The following C2CD3 variants were observed in gnomAD, a reference collection of about 807,000 sequenced individuals.
C2CD3 encodes C2 domain containing 3 centriole elongation regulator.
In C2CD3, 148 loss-of-function variants were observed where a neutral mutation model predicts 234.0. That is an observed-to-expected ratio of 0.63 (90% CI 0.55 to 0.72). C2CD3 has a LOEUF of 0.72. Ranked by LOEUF, C2CD3 falls within the 30% of genes least tolerant of loss-of-function variation. The pLI is 0.00. For synonymous variants in C2CD3, 1,000 were observed against 1,035.4 expected (o/e 0.97, Z 0.66); for missense variants, 2,577 against 2,811.5 (o/e 0.92, Z 1.89).
In C2CD3 at chr11:74,078,490, A is replaced by T; in HGVS notation, c.4228T>A (p.Ser1410Thr). 1 of 1,614,178 alleles carries T rather than the reference A, an allele frequency of 6.2e-7. No individual in the cohort carries two copies. Among genetic ancestry groups the T allele is most frequent in the Non-Finnish European group, 8.5e-7 (1 of 1,180,018 alleles). ...ATGGGCAGCCACAGCCTTGGGGTGG[A>T]GATGGTGACAGTGGCTGGCTCCCCT... ...DEGEPATVTI[S>T]TPRLWLPIHC... The change falls in exon 23 of 33, where the codon TCC becomes ACC. Residue 1410 changes from serine to threonine, a missense_variant. By Grantham distance (58) the Ser-to-Thr change is moderately conservative. Transcript: ENST00000334126.
chr11:74,094,117 G>T, intron 17 of C2CD3, 118 bp from the exon 18 acceptor site: 1 of 759,646 alleles, frequency 1.3e-6, no homozygotes. Flanking sequence ...GGTTCCCTAA[G>T]GTCCCATGAT....
At chr11:74,139,397 T>C (rs1957971255) in intron 4 of C2CD3, among the ~76,000 whole-genome samples, 1 of 152,188 alleles carries the variant, frequency 6.6e-6, no homozygotes, top group Admixed American at 6.5e-5. Context: ...TGAGTAGTCC[T>C]GGAAAACAGA....
chr11:74,027,634 T>C (rs997662458), intron 32 of C2CD3, among the ~76,000 whole-genome samples: 1 of 152,212 alleles, frequency 6.6e-6, no homozygotes, highest in Non-Finnish European at 1.5e-5. Flanking sequence ...TTATTTGTGC[T>C]CCATGAAGAT....
chr11:74,034,479 A>C (rs999483252), intron 30 of C2CD3: 32 of 1,573,264 alleles, frequency 2.0e-5, no homozygotes, highest in Non-Finnish European at 2.8e-5. Flanking sequence ...TCAGAGGACC[A>C]GAATCTAATC....
intron 28 of C2CD3, among the ~76,000 whole-genome samples, chr11:74,043,721 C>A (rs1277096007): frequency 1.3e-5 from 2 of 151,654 alleles, no homozygotes; most frequent in East Asian, 1.9e-4. Flanking sequence ...GCATCTTTTA[C>A]TGTGATTATT....
At chr11:74,138,073 C>T (rs1456415175) in intron 5 of C2CD3, among the ~76,000 whole-genome samples, 1 of 152,088 alleles carries the variant, frequency 6.6e-6, no homozygotes, top group African/African-American at 2.4e-5. Context: ...TAGACAAATT[C>T]CTGTTATGAT....
intron 32 of C2CD3, among the ~76,000 whole-genome samples, chr11:74,015,732 A>G (rs1951855081): frequency 6.6e-6 from 1 of 152,102 alleles, no homozygotes; most frequent in African/African-American, 2.4e-5. Flanking sequence ...CTTGTTCTCC[A>G]TGGCTGGAAG....
intron 23 of C2CD3, among the ~76,000 whole-genome samples, chr11:74,076,277 C>T (rs999366406): frequency 2.6e-5 from 4 of 152,178 alleles, no homozygotes; most frequent in Non-Finnish European, 5.9e-5. Flanking sequence ...CACCTAGATA[C>T]ACTCAGTTCT....
chr11:74,131,574 T>A (rs1049493128), intron 7 of C2CD3, among the ~76,000 whole-genome samples: 5 of 149,162 alleles, frequency 3.4e-5, no homozygotes, highest in Non-Finnish European at 7.4e-5. Context: ...TAATTGGAGG[T>A]TTTGTTTTTC....
chr11:74,020,693 T>G (rs1229668896), intron 32 of C2CD3, among the ~76,000 whole-genome samples: 1 of 152,230 alleles, frequency 6.6e-6, no homozygotes, highest in Non-Finnish European at 1.5e-5. Flanking sequence ...GCTCCTGTCT[T>G]CTGCACCTAG....
intron 19 of C2CD3, among the ~76,000 whole-genome samples, 172 bp from the exon 20 acceptor site, chr11:74,091,108 A>C (rs1955877367): frequency 6.6e-6 from 1 of 152,350 alleles, no homozygotes; most frequent in Non-Finnish European, 1.5e-5. Context: ...AAGGTTAATA[A>C]AGGTTTAACA....
intron 7 of C2CD3, among the ~76,000 whole-genome samples, chr11:74,125,653 G>C (rs920987325): frequency 1.3e-5 from 2 of 151,742 alleles, no homozygotes; most frequent in Non-Finnish European, 2.9e-5. Context: ...TAATTTTCAG[G>C]GTTAATATTG....
rs77296997 is a variant in C2CD3 at position 74,084,741 on chromosome 11, A to T, written c.4000+140T>A. 0.016 allele frequency: 8,269 copies of T among 526,676 alleles called. 130 individuals are homozygous for T. The highest frequency in any genetic ancestry group is 0.046 in the African/African-American group (2,380 of 51,904). The allele number at this position is 526,676 out of a possible 1,614,324, so 32.6% of individuals were successfully genotyped here. On this transcript the variant is annotated intron_variant, in intron 22 of 32. Coordinates refer to ENST00000334126, the MANE Select transcript of C2CD3 (RefSeq NM_001286577.2). ...AAAAGTTTCAAAAAACATTTGAGGTATTGGAGAGAGTTCAGAAGCATGTGT... is the reference window on the plus strand; with the variant it reads ...AAAAGTTTCAAAAAACATTTGAGGTTTTGGAGAGAGTTCAGAAGCATGTGT...
At chr11:74,139,529 C>A in intron 4 of C2CD3, 76 bp downstream of exon 4, 1 of 1,063,880 alleles carries the variant, frequency 9.4e-7, no homozygotes, top group Non-Finnish European at 1.5e-6. Context: ...TTTTACTCAA[C>A]CATAAATGAA....
chr11:74,138,624 A>G, intron 5 of C2CD3, 96 bp downstream of exon 5: 1 of 979,402 alleles, frequency 1.0e-6, no homozygotes, highest in Non-Finnish European at 1.6e-6. Flanking sequence ...GACTTAGTTC[A>G]AACAAGAGTC....
intron 32 of C2CD3, among the ~76,000 whole-genome samples, chr11:74,026,923 A>G (rs1952323589): frequency 6.8e-6 from 1 of 146,732 alleles, no homozygotes; most frequent in South Asian, 2.2e-4. Context: ...GTGAGCCGAG[A>G]TCACACCACT....
Position 74,138,896 on chromosome 11 carries a change from C to G in C2CD3, c.779G>C (p.Ser260Thr). ...CTCTAAACTCTGTCCTGAATTAAGACTGTGCTGTAGTCCAAAGGAAGAATC... is the reference window on the plus strand; with the variant it reads ...CTCTAAACTCTGTCCTGAATTAAGAGTGTGCTGTAGTCCAAAGGAAGAATC... Reference protein sequence around the residue: ...IKDSSFGLQHSLNSGQSLESV... With the variant: ...IKDSSFGLQHTLNSGQSLESV... The change falls in exon 5 of 33, where the codon AGT (serine) becomes ACT (threonine). Residue 260 changes from serine (S) to threonine (T), a missense_variant. Coordinates refer to ENST00000334126, the MANE Select transcript of C2CD3 (RefSeq NM_001286577.2). The G allele has an allele frequency of 6.2e-7, 1 of 1,613,066 alleles. No individual in the cohort carries two copies. Among genetic ancestry groups the G allele is most frequent in the South Asian group, 1.1e-5 (1 of 91,058 alleles).
chr11:74,100,800 G>A, intron 14 of C2CD3, 124 bp from the exon 15 acceptor site: 1 of 764,574 alleles, frequency 1.3e-6, no homozygotes, highest in Non-Finnish European at 2.0e-6. Context: ...ATGAGCTAAA[G>A]ACATTCAAAT....
intron 32 of C2CD3, among the ~76,000 whole-genome samples, chr11:74,014,206 A>C (rs941252): frequency 6.6e-6 from 1 of 151,930 alleles, no homozygotes. Context: ...GTGCTGAAGG[A>C]GCTCAAAGCT....
Sources: gnomAD v4.1 joint callset for allele counts (sites outside exome capture counted in the v4.1 genomes callset) on GRCh38, gnomAD v4.1.1 for gene constraint, MANE v1.5 for transcripts, NCBI Gene and HGNC (gene_info 2026-07-23, HGNC 2026-07-21) for gene names.